CLMN: variants seen among roughly 807,000 people sequenced by gnomAD.
CLMN encodes calmin (calponin-like, transmembrane).
In CLMN, 57 loss-of-function variants were observed where a neutral mutation model predicts 92.7. That is an observed-to-expected ratio of 0.61 (90% CI 0.50 to 0.77). The LOEUF is 0.77. Ranked by LOEUF, CLMN falls within the 30% of genes least tolerant of loss-of-function variation. The pLI, the probability that CLMN is intolerant of heterozygous loss-of-function variation, is 0.00. For missense variants in CLMN, 1,158 were observed against 1,237.5 expected, an observed-to-expected ratio of 0.94 and a Z score of 0.96; for synonymous variants, 466 against 470.6, an observed-to-expected ratio of 0.99 and a Z score of 0.13.
Position 95,292,428 on chromosome 14 carries a change from T to TCCCCCACCCCCA in CLMN, c.82+27271_82+27282dup, listed in dbSNP as rs61159767. On this transcript the variant is annotated intron_variant, in intron 1 of 12. Coordinates refer to ENST00000298912, the MANE Select transcript of CLMN (RefSeq NM_024734.4). ...AGTAATGAGATCTGCCCCCCAAGGG[T>TCCCCCACCCCCA]CCCCCACCCCCACCCCCACCCCCAC... is the stretch of plus-strand genomic sequence containing the variant. 6.5e-3 allele frequency among the ~76,000 whole-genome samples: 482 copies of TCCCCCACCCCCA among 74,124 alleles called. 5 individuals carry two copies. Among genetic ancestry groups the TCCCCCACCCCCA allele is most frequent in the East Asian group, 0.015 (30 of 1,940 alleles). 48.6% of individuals were successfully genotyped at this position (74,124 alleles called of 152,430 possible).
At chr14:95,262,148 C>T (rs1423941275) in intron 1 of CLMN, among the ~76,000 whole-genome samples, 3 of 152,204 alleles carry the variant, frequency 2.0e-5, no homozygotes, top group East Asian at 1.9e-4. Flanking sequence ...GCCAGCAACC[C>T]GATGTCATCA....
chr14:95,243,855 C>A (rs1898355203), intron 1 of CLMN, among the ~76,000 whole-genome samples: 1 of 152,026 alleles, frequency 6.6e-6, no homozygotes, highest in South Asian at 2.1e-4. Flanking sequence ...TGTCCCCACC[C>A]AAATCTCATG....
chr14:95,280,002 A>C (rs185449924), intron 1 of CLMN, among the ~76,000 whole-genome samples: 1 of 151,538 alleles, frequency 6.6e-6, no homozygotes, highest in Admixed American at 6.6e-5. Flanking sequence ...ATAAAGGGTT[A>C]AAGGATTATA....
intron 1 of CLMN, among the ~76,000 whole-genome samples, chr14:95,299,710 C>T (rs1210955402): frequency 1.3e-5 from 2 of 152,172 alleles, no homozygotes; most frequent in Non-Finnish European, 2.9e-5. Context: ...TCACCCTATG[C>T]CACCACCTCC....
chr14:95,201,566 CTTTT>C (rs57205690), intron 9 of CLMN, among the ~76,000 whole-genome samples: 2 of 139,670 alleles, frequency 1.4e-5, no homozygotes, highest in African/African-American at 5.3e-5. Flanking sequence ...CTTTTTTTTC[CTTTT>C]TTTTTTTTTT....
At chr14:95,247,572 C>G (rs1480053015) in intron 1 of CLMN, among the ~76,000 whole-genome samples, 1 of 152,148 alleles carries the variant, frequency 6.6e-6, no homozygotes, top group Non-Finnish European at 1.5e-5. Context: ...CCAGCCAACC[C>G]AGGAGACAGG....
chr14:95,238,831 C>A (rs1234366268), intron 1 of CLMN, among the ~76,000 whole-genome samples: 1 of 152,168 alleles, frequency 6.6e-6, no homozygotes, highest in Non-Finnish European at 1.5e-5. Flanking sequence ...CAGAGGCCAC[C>A]AATTAACATA....
chr14:95,269,727 C>T (rs1034037805), intron 1 of CLMN, among the ~76,000 whole-genome samples: 8 of 152,214 alleles, frequency 5.3e-5, no homozygotes, highest in Admixed American at 1.3e-4. Flanking sequence ...CCACTGGCCC[C>T]CACAGCATGG....
intron 1 of CLMN, among the ~76,000 whole-genome samples, chr14:95,273,666 G>C (rs533956294): frequency 6.6e-6 from 1 of 152,160 alleles, no homozygotes; most frequent in Non-Finnish European, 1.5e-5. Flanking sequence ...ATAACCTTGG[G>C]TATCTTACCC....
chr14:95,269,127 C>T (rs901947884), intron 1 of CLMN, among the ~76,000 whole-genome samples: 3 of 152,084 alleles, frequency 2.0e-5, no homozygotes, highest in Non-Finnish European at 4.4e-5. Context: ...TGTAAATCAA[C>T]AATAATCTCA....
At chr14:95,193,337 AT>A (rs1257773096) in intron 12 of CLMN, 1 of 1,534,578 alleles carries the variant, frequency 6.5e-7, no homozygotes, top group East Asian at 2.4e-5. Context: ...ACATCCTGGC[AT>A]GTTTGCTTTC....
At chr14:95,258,564 G>A (rs575912398) in intron 1 of CLMN, among the ~76,000 whole-genome samples, 71 of 149,038 alleles carry the variant, frequency 4.8e-4, no homozygotes, top group Middle Eastern at 3.6e-3. Context: ...GTGTGGTTGT[G>A]TGTGAAGGGT....
intron 1 of CLMN, among the ~76,000 whole-genome samples, chr14:95,300,659 C>T (rs1330836973): frequency 1.3e-5 from 2 of 152,218 alleles, no homozygotes; most frequent in Non-Finnish European, 2.9e-5. Flanking sequence ...GGCTAACTCC[C>T]ATTTATTCTT....
chr14:95,308,707 C>T (rs1901391600), intron 1 of CLMN, among the ~76,000 whole-genome samples: 1 of 67,510 alleles, frequency 1.5e-5, no homozygotes. Flanking sequence ...TAAAGGCAGT[C>T]CCTGACTTGA....
chr14:95,257,188 A>C (rs1435656875), intron 1 of CLMN, among the ~76,000 whole-genome samples: 1 of 152,246 alleles, frequency 6.6e-6, no homozygotes, highest in East Asian at 1.9e-4. Context: ...AAGTCGGAGA[A>C]GGCAAAGGTA....
At chr14:95,262,063 G>A (rs755624002) in intron 1 of CLMN, among the ~76,000 whole-genome samples, 2 of 152,254 alleles carry the variant, frequency 1.3e-5, no homozygotes, top group Non-Finnish European at 2.9e-5. Context: ...GTCCACGCCT[G>A]TATTCCCAAA....
intron 1 of CLMN, among the ~76,000 whole-genome samples, chr14:95,290,915 T>G (rs895444043): frequency 1.3e-5 from 2 of 152,242 alleles, no homozygotes; most frequent in Non-Finnish European, 2.9e-5. Context: ...CGACGCAGAA[T>G]AACTAATAAT....
chr14:95,313,396 A>C (rs1326832581), intron 1 of CLMN, among the ~76,000 whole-genome samples: 5 of 152,254 alleles, frequency 3.3e-5, no homozygotes, highest in Non-Finnish European at 7.3e-5. Context: ...CTGCAAAAGC[A>C]GCTATAGGCA....
intron 1 of CLMN, among the ~76,000 whole-genome samples, chr14:95,235,828 G>A (rs542736430): frequency 3.9e-5 from 6 of 152,288 alleles, no homozygotes; most frequent in African/African-American, 1.4e-4. Flanking sequence ...GGGAGACAAA[G>A]GGGGTGAGAC....
Sources: gnomAD v4.1 joint callset for allele counts (sites outside exome capture counted in the v4.1 genomes callset) on GRCh38, gnomAD v4.1.1 for gene constraint, MANE v1.5 for transcripts, NCBI Gene and HGNC (gene_info 2026-07-23, HGNC 2026-07-21) for gene names.